CDH13: variants seen among roughly 807,000 people sequenced by gnomAD.
CDH13 encodes the protein cadherin 13.
In CDH13, 24 loss-of-function variants were observed where a neutral mutation model predicts 63.8. The ratio of observed to expected loss-of-function variants is 0.38; its 90% CI spans 0.27 to 0.53. The LOEUF is 0.53. CDH13 is among the 20% of genes least tolerant of loss of function. CDH13 has a pLI of 0.85. For synonymous variants in CDH13, 503 were observed against 355.3 expected, an observed-to-expected ratio of 1.42 and a Z score of -4.67; for missense variants, 1,049 against 903.1, an observed-to-expected ratio of 1.16 and a Z score of -2.07.
chr16:82,877,490 A>G (rs2040543690), intron 2 of CDH13, among the ~76,000 whole-genome samples: 2 of 152,206 alleles, frequency 1.3e-5, no homozygotes, highest in African/African-American at 4.8e-5. Flanking sequence ...AATTCTCAGG[A>G]CATGGTAGTT....
At chr16:83,567,008 G>T (rs957037863) in intron 7 of CDH13, among the ~76,000 whole-genome samples, 2 of 152,100 alleles carry the variant, frequency 1.3e-5, no homozygotes, top group African/African-American at 4.8e-5. Flanking sequence ...GCCATTCCCT[G>T]TGTGTCATAC....
At chr16:83,184,491 A>C (rs1597481376) in intron 4 of CDH13, among the ~76,000 whole-genome samples, 1 of 152,140 alleles carries the variant, frequency 6.6e-6, no homozygotes, top group Non-Finnish European at 1.5e-5. Context: ...GCGGTGGCTC[A>C]CACCTGTAAT....
intron 2 of CDH13, among the ~76,000 whole-genome samples, chr16:83,019,787 T>G (rs1294283313): frequency 1.4e-5 from 2 of 144,412 alleles, no homozygotes; most frequent in Non-Finnish European, 1.5e-5. Context: ...TGAGCCACCA[T>G]GCCCGGCCAG....
intron 7 of CDH13, among the ~76,000 whole-genome samples, chr16:83,561,515 G>C (rs1160242873): frequency 1.3e-5 from 2 of 151,244 alleles, no homozygotes; most frequent in Non-Finnish European, 2.9e-5. Context: ...CTACATTTAA[G>C]TCAATAGTAG....
At chr16:83,255,051 C>A (rs187494812) in intron 5 of CDH13, among the ~76,000 whole-genome samples, 133 of 131,582 alleles carry the variant, frequency 1.0e-3, no homozygotes, top group Middle Eastern at 4.1e-3. Flanking sequence ...CATTTTGAAG[C>A]TTCTTTGCCC....
chr16:83,130,531 A>C (rs1227811539), intron 4 of CDH13, among the ~76,000 whole-genome samples: 1 of 152,236 alleles, frequency 6.6e-6, no homozygotes, highest in Non-Finnish European at 1.5e-5. Context: ...GGATCAATAG[A>C]TCGATATCTG....
chr16:83,321,150 T>A (rs2090215108), intron 5 of CDH13, among the ~76,000 whole-genome samples: 1 of 152,222 alleles, frequency 6.6e-6, no homozygotes, highest in South Asian at 2.1e-4. Context: ...GAAAACTAGT[T>A]TGTGCTAAGA....
chr16:83,288,390 G>A (rs2089378387), intron 5 of CDH13, among the ~76,000 whole-genome samples: 1 of 152,226 alleles, frequency 6.6e-6, no homozygotes, highest in African/African-American at 2.4e-5. Flanking sequence ...AGGTGGAGGA[G>A]GAGGGAATCA....
intron 1 of CDH13, among the ~76,000 whole-genome samples, chr16:82,756,907 G>C (rs2034632306): frequency 6.6e-6 from 1 of 152,300 alleles, no homozygotes; most frequent in Non-Finnish European, 1.5e-5. Context: ...CATAAGCTCT[G>C]TGAGGGCCAG....
Position 83,451,197 on chromosome 16 carries a change from T to C in CDH13, c.782-35280T>C, listed in dbSNP as rs577343011. 2.7e-3 allele frequency among the ~76,000 whole-genome samples: 416 copies of C among 152,284 alleles called. 1 individual carries two copies. The highest frequency in any genetic ancestry group is 9.7e-3 in the African/African-American group (405 of 41,550). On this transcript the variant is annotated intron_variant, in intron 6 of 13. Coordinates refer to ENST00000567109, the MANE Select transcript of CDH13 (RefSeq NM_001257.5). The stretch of plus-strand genomic sequence containing the variant: ...AAGACATACCTGAGACTGGGCAATT[T>C]ATAAAGGAAAGAAGTTTAATGACTC...
At chr16:83,738,847 G>A (rs188547707) in intron 10 of CDH13, among the ~76,000 whole-genome samples, 22 of 152,186 alleles carry the variant, frequency 1.4e-4, no homozygotes, top group African/African-American at 5.1e-4. Flanking sequence ...CGGAGGTTGC[G>A]GTGAGCCCAG....
chr16:83,717,326 A>G (rs559615173), intron 10 of CDH13, among the ~76,000 whole-genome samples: 1 of 152,112 alleles, frequency 6.6e-6, no homozygotes, highest in South Asian at 2.1e-4. Context: ...ATAATCCCCT[A>G]ATCTCCCCTG....
At chr16:82,981,734 A>G (rs1036487238) in intron 2 of CDH13, among the ~76,000 whole-genome samples, 3 of 152,166 alleles carry the variant, frequency 2.0e-5, no homozygotes, top group Admixed American at 6.5e-5. Context: ...ATCTCCTCAC[A>G]TGGGATGCTC....
At chr16:82,819,553 C>G (rs936911678) in intron 1 of CDH13, among the ~76,000 whole-genome samples, 1 of 152,134 alleles carries the variant, frequency 6.6e-6, no homozygotes, top group Non-Finnish European at 1.5e-5. Flanking sequence ...CTCCCTTTCC[C>G]TACCTCTAGC....
intron 6 of CDH13, among the ~76,000 whole-genome samples, chr16:83,445,180 C>T (rs2072640363): frequency 7.8e-6 from 1 of 128,920 alleles, no homozygotes; most frequent in Non-Finnish European, 1.8e-5. Context: ...ACAACACTGA[C>T]ATTTGAGTAA....
chr16:83,214,266 C>G (rs1460833273), intron 4 of CDH13, among the ~76,000 whole-genome samples: 2 of 151,878 alleles, frequency 1.3e-5, no homozygotes, highest in Non-Finnish European at 2.9e-5. Context: ...TTCTGGGAGG[C>G]CTGTGAATTT....
At chr16:83,031,915 C>G (rs955014747) in intron 2 of CDH13, 95 bp from the exon 3 acceptor site, 2 of 969,998 alleles carry the variant, frequency 2.1e-6, no homozygotes, top group Admixed American at 2.2e-5. Flanking sequence ...GGTTGGGAAA[C>G]TATGTGGTAA....
intron 4 of CDH13, among the ~76,000 whole-genome samples, chr16:83,194,003 T>C (rs777351604): frequency 6.6e-6 from 1 of 152,202 alleles, no homozygotes; most frequent in Non-Finnish European, 1.5e-5. Context: ...GTCCGATGTT[T>C]TCATTAGAAA....
chr16:83,493,839 G>C (rs896924928), intron 7 of CDH13, among the ~76,000 whole-genome samples: 8 of 152,328 alleles, frequency 5.3e-5, no homozygotes, highest in African/African-American at 1.9e-4. Flanking sequence ...AGGAGAGATC[G>C]TCAGTGGCAA....
Sources: gnomAD v4.1 joint callset for allele counts (sites outside exome capture counted in the v4.1 genomes callset) on GRCh38, gnomAD v4.1.1 for gene constraint, MANE v1.5 for transcripts, NCBI Gene and HGNC (gene_info 2026-07-23, HGNC 2026-07-21) for gene names.